The following LUZP1 variants were observed in gnomAD, a reference collection of about 807,000 sequenced individuals.
LUZP1 encodes the protein leucine zipper protein 1.
Under a neutral mutation model 71.3 loss-of-function variants are expected in LUZP1, and 25 were observed. The ratio of observed to expected loss-of-function variants is 0.35; its 90% CI spans 0.26 to 0.49. The LOEUF (loss-of-function observed/expected upper bound fraction) is 0.49. Among genes scored for constraint, LUZP1 ranks in the 20% least tolerant of loss-of-function variants. The pLI is 0.99. For missense variants in LUZP1, 1,142 were observed against 1,300.8 expected (o/e 0.88, Z 1.88); for synonymous variants, 481 against 506.4 (o/e 0.95, Z 0.67).
At chr1:23,118,360 T>C (rs1254224970) in intron 2 of LUZP1, among the ~76,000 whole-genome samples, 1 of 152,074 alleles carries the variant, frequency 6.6e-6, no homozygotes, top group Non-Finnish European at 1.5e-5. Context: ...ATCACACCAC[T>C]GCACTTCAGC....
At chr1:23,107,093 C>T (rs1418697066) in intron 3 of LUZP1, among the ~76,000 whole-genome samples, 1 of 152,180 alleles carries the variant, frequency 6.6e-6, no homozygotes, top group African/African-American at 2.4e-5. Context: ...GATTTTATAC[C>T]TGCTGTTCCC....
intron 2 of LUZP1, among the ~76,000 whole-genome samples, chr1:23,115,531 C>T (rs1299545899): frequency 6.6e-6 from 1 of 152,086 alleles, no homozygotes; most frequent in Non-Finnish European, 1.5e-5. Context: ...CTCAAAGAAC[C>T]GGCTCTGCTA....
At chr1:23,085,547 G>C (rs1643751765) in exon 5 of LUZP1, 1 of 152,442 alleles carries the variant, frequency 6.6e-6, no homozygotes, top group African/African-American at 2.4e-5. Flanking sequence ...CCAGCCTCTG[G>C]GTCCCCATTC....
intron 2 of LUZP1, among the ~76,000 whole-genome samples, chr1:23,166,636 C>G (rs1317977358): frequency 8.5e-6 from 1 of 117,122 alleles, no homozygotes; most frequent in Non-Finnish European, 1.6e-5. Context: ...GCCTGGGTGA[C>G]ACAGAGCACT....
At chr1:23,154,976 G>C (rs1465852982) in intron 2 of LUZP1, among the ~76,000 whole-genome samples, 3 of 152,006 alleles carry the variant, frequency 2.0e-5, no homozygotes, top group Admixed American at 2.0e-4. Flanking sequence ...CTAGGATCTA[G>C]TCTCAAAACA....
At chr1:23,157,446 GC>G (rs140002454) in intron 2 of LUZP1, among the ~76,000 whole-genome samples, 22,334 of 152,180 alleles carry the variant, frequency 0.15, 1,938 homozygotes, top group South Asian at 0.32. Flanking sequence ...GAAGGCTGAG[GC>G]AGGAGGATCG....
exon 5 of LUZP1, chr1:23,084,737 C>CA (rs888813701): frequency 2.6e-5 from 4 of 151,780 alleles, no homozygotes; most frequent in East Asian, 3.9e-4. Context: ...GCTTTTCCCC[C>CA]CCTAGTCTTA....
chr1:23,139,075 T>TA (rs1425616942), intron 2 of LUZP1, among the ~76,000 whole-genome samples: 1 of 139,260 alleles, frequency 7.2e-6, no homozygotes, highest in Non-Finnish European at 1.5e-5. Context: ...TTTGTATATA[T>TA]AATGTGTGTG....
chr1:23,125,827 G>T (rs1008356240), intron 2 of LUZP1, among the ~76,000 whole-genome samples: 2 of 152,272 alleles, frequency 1.3e-5, no homozygotes, highest in African/African-American at 4.8e-5. Context: ...AAATAAGCAA[G>T]TACTTGCCTG....
At chr1:23,152,320 A>G (rs1183860914) in intron 2 of LUZP1, among the ~76,000 whole-genome samples, 2 of 152,152 alleles carry the variant, frequency 1.3e-5, no homozygotes, top group African/African-American at 4.8e-5. Flanking sequence ...TTTTTTCCAA[A>G]TGATTACTTC....
intron 2 of LUZP1, chr1:23,162,619 T>A (rs888606447): frequency 3.3e-5 from 5 of 152,038 alleles, no homozygotes; most frequent in African/African-American, 4.8e-5. Flanking sequence ...TTTGTATTTT[T>A]AGTAGCCACG....
At chr1:23,177,595 C>T (rs146877351) in exon 1 of LUZP1, 5,593 of 152,634 alleles carry the variant, frequency 0.037, 138 homozygotes, top group South Asian at 0.073. Flanking sequence ...ACGGGTGGGG[C>T]GCTGGCGCTT....
At chr1:23,144,242 G>A (rs1416965988) in intron 2 of LUZP1, among the ~76,000 whole-genome samples, 1 of 152,170 alleles carries the variant, frequency 6.6e-6, no homozygotes. Flanking sequence ...TCATCGAAGA[G>A]ATGGAAAGAG....
At chr1:23,142,214 G>A (rs1246423328) in intron 2 of LUZP1, among the ~76,000 whole-genome samples, 2 of 151,796 alleles carry the variant, frequency 1.3e-5, no homozygotes, top group Non-Finnish European at 2.9e-5. Context: ...GGCTGGTCTC[G>A]TACTCCTGGA....
chr1:23,173,350 C>CTTTTTTT (rs869169060), intron 1 of LUZP1, among the ~76,000 whole-genome samples: 18 of 80,352 alleles, frequency 2.2e-4, no homozygotes, highest in East Asian at 4.0e-4. Context: ...TTTGTTTTTT[C>CTTTTTTT]TTTTTTTTTT....
chr1:23,084,854 G>GTATT (rs1432263922), exon 5 of LUZP1: 1 of 152,366 alleles, frequency 6.6e-6, no homozygotes, highest in East Asian at 1.9e-4. Flanking sequence ...CCAATTTTAA[G>GTATT]TATTACACAA....
At chr1:23,168,431 C>G (rs922135228) in intron 2 of LUZP1, among the ~76,000 whole-genome samples, 1 of 146,744 alleles carries the variant, frequency 6.8e-6, no homozygotes, top group African/African-American at 2.5e-5. Flanking sequence ...CGCGTCTCTG[C>G]CCCAAACATT....
chr1:23,147,762 G>GT (rs1458033556), intron 2 of LUZP1, among the ~76,000 whole-genome samples: 1 of 151,948 alleles, frequency 6.6e-6, no homozygotes, highest in African/African-American at 2.4e-5. Context: ...ATGTAAACAA[G>GT]TATCTAAAAA....
chr1:23,157,682 T>A (rs560314815), intron 2 of LUZP1, among the ~76,000 whole-genome samples: 1 of 152,024 alleles, frequency 6.6e-6, no homozygotes, highest in South Asian at 2.1e-4. Flanking sequence ...TCCCAGATAC[T>A]CAGGAGGCTG....
Sources: gnomAD v4.1 joint callset for allele counts (sites outside exome capture counted in the v4.1 genomes callset) on GRCh38, gnomAD v4.1.1 for gene constraint, MANE v1.5 for transcripts, NCBI Gene and HGNC (gene_info 2026-07-23, HGNC 2026-07-21) for gene names.